Variants in PCLO observed in about 807,000 individuals in gnomAD.
The protein encoded by PCLO is piccolo presynaptic cytomatrix protein, also known as protein piccolo.
Under a neutral mutation model 427.5 loss-of-function variants are expected in PCLO, and 82 were observed. The ratio of observed to expected loss-of-function variants is 0.19; its 90% CI spans 0.16 to 0.23. The LOEUF is 0.23. Ranked by LOEUF, PCLO falls within the 10% of genes least tolerant of loss-of-function variation. PCLO has a pLI of 1.00. For missense variants in PCLO, 6,239 were observed against 6,115.9 expected, an observed-to-expected ratio of 1.02 and a Z score of -0.67; for synonymous variants, 2,357 against 2,155.4, an observed-to-expected ratio of 1.09 and a Z score of -2.59.
At chr7:83,108,949 T>C (rs916450077) in intron 3 of PCLO, among the ~76,000 whole-genome samples, 2 of 152,172 alleles carry the variant, frequency 1.3e-5, no homozygotes, top group Non-Finnish European at 2.9e-5. Context: ...ATTGTGGTTT[T>C]TGACATTGAA....
chr7:82,859,295 C>G (rs898997817), intron 10 of PCLO, among the ~76,000 whole-genome samples: 20 of 152,146 alleles, frequency 1.3e-4, no homozygotes, highest in African/African-American at 4.3e-4. Flanking sequence ...AGGCCTTGGG[C>G]AAGATCCAGT....
At chr7:83,145,657 T>C (rs1791976161) in intron 2 of PCLO, among the ~76,000 whole-genome samples, 1 of 152,218 alleles carries the variant, frequency 6.6e-6, no homozygotes, top group Non-Finnish European at 1.5e-5. Flanking sequence ...ATCTGCCTAT[T>C]AGAATGTTAT....
chr7:82,978,865 C>A (rs867854249), intron 3 of PCLO, among the ~76,000 whole-genome samples: 13 of 143,908 alleles, frequency 9.0e-5, no homozygotes, highest in African/African-American at 2.8e-4. Flanking sequence ...CAAACACACA[C>A]ACACACACAC....
chr7:82,907,213 G>A (rs1205484194), intron 8 of PCLO, among the ~76,000 whole-genome samples: 2 of 151,922 alleles, frequency 1.3e-5, no homozygotes, highest in Non-Finnish European at 2.9e-5. Context: ...CAGTAGTGTT[G>A]ATAATAAATA....
Position 82,810,157 on chromosome 7 carries a change from A to G in PCLO, c.14792-4328T>C, listed in dbSNP as rs186999132. 1.5e-4 allele frequency among the ~76,000 whole-genome samples: 23 copies of G among 151,396 alleles called. No homozygotes were observed. The East Asian group carries it at 4.1e-3, about 27-fold the overall frequency. On this transcript the variant is annotated intron_variant, in intron 20 of 24. Transcript: ENST00000333891. Reference sequence around the variant, plus strand: ...GTAATATATCTCTATTTTTTATGTTATTGAGGGAAATAATATTTTAAACAC... The same window carrying G: ...GTAATATATCTCTATTTTTTATGTTGTTGAGGGAAATAATATTTTAAACAC...
rs1365411784 is a variant in PCLO, at chr7:82,838,359, A to T, written c.14098-17T>A. ...AATTTGAAGCTTTAGGAGAGAGAAA[A>T]ATATTCCATAAGTTTTTAAAAGCAT... On this transcript the variant is annotated splice_polypyrimidine_tract_variant and intron_variant, in intron 14 of 24. Transcript: ENST00000333891. The T allele has an allele frequency of 7.3e-7, 1 of 1,376,872 alleles. No homozygotes were observed. The highest frequency in any genetic ancestry group is 2.5e-5 in the East Asian group (1 of 40,186). 85.3% of individuals were successfully genotyped at this position (1,376,872 alleles called of 1,614,324 possible).
intron 3 of PCLO, among the ~76,000 whole-genome samples, chr7:83,073,497 T>A (rs1266583039): frequency 1.3e-5 from 2 of 151,952 alleles, no homozygotes; most frequent in African/African-American, 2.4e-5. Flanking sequence ...TAGAACAAAA[T>A]CCTGCATTGG....
chr7:82,922,749 GA>G (rs947392207), intron 6 of PCLO, among the ~76,000 whole-genome samples: 1 of 151,150 alleles, frequency 6.6e-6, no homozygotes, highest in African/African-American at 2.4e-5. Flanking sequence ...AAGTTGGAAA[GA>G]AAAAAAACGA....
chr7:82,890,805 T>C (rs908226766), intron 9 of PCLO, among the ~76,000 whole-genome samples: 1 of 151,910 alleles, frequency 6.6e-6, no homozygotes, highest in Non-Finnish European at 1.5e-5. Flanking sequence ...TAAACACTTA[T>C]AATCAAGGAA....
intron 20 of PCLO, chr7:82,821,399 T>C: frequency 1.0e-6 from 1 of 985,756 alleles, no homozygotes; most frequent in South Asian, 4.7e-5. Flanking sequence ...TCTATTTAAA[T>C]AGGTTGTGTT....
At chr7:82,828,515 T>A (rs1017213957) in intron 16 of PCLO, among the ~76,000 whole-genome samples, 2 of 152,176 alleles carry the variant, frequency 1.3e-5, no homozygotes, top group African/African-American at 4.8e-5. Context: ...TTTAATTAAA[T>A]ATAAATTTTT....
chr7:83,066,667 T>C (rs1055275304), intron 3 of PCLO, among the ~76,000 whole-genome samples: 3 of 152,190 alleles, frequency 2.0e-5, no homozygotes, highest in African/African-American at 7.2e-5. Context: ...GAAATAGCCA[T>C]TGAACTTAAA....
intron 7 of PCLO, among the ~76,000 whole-genome samples, chr7:82,912,940 T>C (rs911075799): frequency 6.6e-5 from 10 of 152,048 alleles, no homozygotes; most frequent in Admixed American, 1.3e-4. Flanking sequence ...GTTTTTGTTT[T>C]ATTTTGTTAT....
chr7:82,902,519 A>T (rs1383252536), intron 9 of PCLO, 132 bp downstream of exon 9: 3 of 579,562 alleles, frequency 5.2e-6, no homozygotes, highest in Non-Finnish European at 6.2e-6. Flanking sequence ...TGGCACATGT[A>T]TACATATGTA....
At chr7:83,032,587 C>T (rs1160957382) in intron 3 of PCLO, among the ~76,000 whole-genome samples, 3 of 151,712 alleles carry the variant, frequency 2.0e-5, no homozygotes, top group African/African-American at 7.3e-5. Flanking sequence ...GCTCAGATAT[C>T]TTCTGAATGC....
intron 3 of PCLO, among the ~76,000 whole-genome samples, chr7:83,045,981 T>C (rs572788955): frequency 1.9e-4 from 29 of 152,068 alleles, no homozygotes; most frequent in Non-Finnish European, 3.7e-4. Flanking sequence ...CCGAGACCAA[T>C]ATATTGGCAG....
intron 10 of PCLO, among the ~76,000 whole-genome samples, chr7:82,872,213 T>C (rs1793254367): frequency 6.6e-6 from 1 of 151,920 alleles, no homozygotes; most frequent in African/African-American, 2.4e-5. Flanking sequence ...TCCTACATAT[T>C]TGACAAAGGA....
intron 6 of PCLO, among the ~76,000 whole-genome samples, chr7:82,943,576 T>G (rs574936126): frequency 2.0e-5 from 3 of 152,280 alleles, no homozygotes; most frequent in Admixed American, 2.0e-4. Context: ...TGCTATGCAA[T>G]AGATAATGTC....
At chr7:82,965,234 T>G (rs1406723450) in intron 4 of PCLO, among the ~76,000 whole-genome samples, 3 of 152,134 alleles carry the variant, frequency 2.0e-5, no homozygotes, top group Non-Finnish European at 4.4e-5. Flanking sequence ...AATATTAAAC[T>G]GCTTTGTGAA....
Sources: allele counts gnomAD v4.1 joint callset (sites outside exome capture counted in the v4.1 genomes callset), GRCh38; gene constraint gnomAD v4.1.1; transcripts MANE v1.5; gene names NCBI Gene and HGNC (gene_info 2026-07-23, HGNC 2026-07-21).